Variants in IGSF3 observed in about 807,000 individuals in gnomAD.
IGSF3 encodes glu-Trp-Ile EWI motif-containing protein 3.
IGSF3 carries 23 observed loss-of-function variants against 114.4 expected under a neutral mutation model. The ratio of observed to expected loss-of-function variants is 0.20; its 90% CI spans 0.14 to 0.28. The LOEUF is 0.28. Ranked by LOEUF, IGSF3 falls within the 10% of genes least tolerant of loss-of-function variation. The pLI, the probability that IGSF3 is intolerant of heterozygous loss-of-function variation, is 1.00. For synonymous variants in IGSF3, 571 were observed against 645.2 expected, an observed-to-expected ratio of 0.88 and a Z score of 1.74; for missense variants, 1,172 against 1,591.5, an observed-to-expected ratio of 0.74 and a Z score of 4.48.
chr1:116,659,811 T>C (rs1174526192), intron 2 of IGSF3, among the ~76,000 whole-genome samples: 1 of 152,222 alleles, frequency 6.6e-6, no homozygotes, highest in Non-Finnish European at 1.5e-5. Flanking sequence ...AGATGAGGTC[T>C]TGTTATATTG....
chr1:116,665,113 TTC>T lies in IGSF3; in HGVS notation c.43+1169_43+1170del, dbSNP rs1649277762. 6.6e-6 allele frequency among the ~76,000 whole-genome samples: 1 copy of T among 152,216 alleles called. No individual in the cohort carries two copies. Among genetic ancestry groups the T allele is most frequent in the South Asian group, 2.1e-4 (1 of 4,830 alleles). On this transcript the variant is annotated intron_variant, in intron 2 of 10. Coordinates refer to ENST00000369486, the MANE Select transcript of IGSF3 (RefSeq NM_001007237.3). This position sits in a 1 kb window ranked among gnomAD's most constrained non-coding sequence, Gnocchi z 4.0. ...ATCACACCTTCCCTTGTTTTATTGT[TTC>T]TGTTTTATTGACATTCAGATGTCAA...
chr1:116,606,844 G>C (rs932108662), intron 5 of IGSF3, among the ~76,000 whole-genome samples: 9 of 152,190 alleles, frequency 5.9e-5, no homozygotes, highest in Admixed American at 6.5e-5. Context: ...TTGCAGGGCG[G>C]AAAAAGCTAA....
intron 4 of IGSF3, among the ~76,000 whole-genome samples, chr1:116,609,206 C>A (rs1384029028): frequency 6.6e-6 from 1 of 151,804 alleles, no homozygotes; most frequent in African/African-American, 2.4e-5. Flanking sequence ...ATTACTAAAC[C>A]CAAGCAGCCT....
rs2101068675 is a variant in IGSF3, at chr1:116,650,132, T to C, written c.43+16152A>G. Reference sequence around the variant, plus strand: ...ATAATCTGAATGGTACAAGAAGAAATCCTGTTTCATGCTCCTTTGAGGGAG... The same window carrying C: ...ATAATCTGAATGGTACAAGAAGAAACCCTGTTTCATGCTCCTTTGAGGGAG... On this transcript the variant is annotated intron_variant, in intron 2 of 10. Coordinates refer to ENST00000369486, the MANE Select transcript of IGSF3 (RefSeq NM_001007237.3). This position sits in a 1 kb window ranked among gnomAD's most constrained non-coding sequence, Gnocchi z 5.0. 6.6e-6 allele frequency among the ~76,000 whole-genome samples: 1 copy of C among 152,340 alleles called. No individual in the cohort carries two copies. Among genetic ancestry groups the C allele is most frequent in the East Asian group, 1.9e-4 (1 of 5,186 alleles).
chr1:116,596,276 A>G lies in IGSF3; in HGVS notation c.2029+3665T>C, dbSNP rs750124073. Among the ~76,000 whole-genome samples the G allele has an allele frequency of 6.6e-6, 1 of 152,252 alleles. No individual in the cohort carries two copies. The highest frequency in any genetic ancestry group is 1.5e-5 in the Non-Finnish European group (1 of 68,046). ...TGGGTTCCTATTTGATTCTGATGGA[A>G]TAAGAATATTTAACACAATATTCTT... On this transcript the variant is annotated intron_variant, in intron 7 of 10. Coordinates refer to ENST00000369486, the MANE Select transcript of IGSF3 (RefSeq NM_001007237.3). The surrounding 1 kb of genome is among the most constrained non-coding windows in gnomAD (Gnocchi z 4.1).
intron 4 of IGSF3, among the ~76,000 whole-genome samples, chr1:116,613,019 G>A (rs1661082777): frequency 6.6e-6 from 1 of 152,172 alleles, no homozygotes; most frequent in African/African-American, 2.4e-5. Flanking sequence ...AACCTCCTCA[G>A]GACCCCTTCC....
rs1649299064 is a variant in IGSF3, at chr1:116,665,657, C to G, written c.43+627G>C. 6.6e-6 allele frequency among the ~76,000 whole-genome samples: 1 copy of G among 152,270 alleles called. No individual in the cohort carries two copies. Among genetic ancestry groups the G allele is most frequent in the South Asian group, 2.1e-4 (1 of 4,818 alleles). ...ATTTGTGGGAGCACAAAAGCCAATC[C>G]TAAAATCTCCCCTACCAGGCAGCTT... is the stretch of plus-strand genomic sequence containing the variant. On this transcript the variant is annotated intron_variant, in intron 2 of 10. Transcript: ENST00000369486. The surrounding 1 kb of genome is among the most constrained non-coding windows in gnomAD (Gnocchi z 4.0).
rs1661143238 is a variant in IGSF3 at position 116,614,505 on chromosome 1, A to T, written c.422-330T>A. On this transcript the variant is annotated intron_variant, in intron 3 of 10. Transcript: ENST00000369486. The surrounding 1 kb of genome is among the most constrained non-coding windows in gnomAD (Gnocchi z 4.5). ...ACAATTGTCTTATAGGTCAAATAAC[A>T]TTTGCTGTTGATTCTGGCACTTCTC... Among the ~76,000 whole-genome samples the T allele has an allele frequency of 1.3e-5, 2 of 152,122 alleles. No individual in the cohort carries two copies. The highest frequency in any genetic ancestry group is 6.5e-5 in the Admixed American group (1 of 15,276).
Position 116,616,074 on chromosome 1 carries a change from C to T in IGSF3, c.421+6G>A, listed in dbSNP as rs1332935382. 2.5e-6 allele frequency: 4 copies of T among 1,588,444 alleles called. No individual in the cohort carries two copies. The highest frequency in any genetic ancestry group is 1.7e-4 in the Middle Eastern group (1 of 5,980). On this transcript the variant is annotated splice_donor_region_variant and intron_variant, in intron 3 of 10. Coordinates refer to ENST00000369486, the MANE Select transcript of IGSF3 (RefSeq NM_001007237.3). The surrounding 1 kb of genome is among the most constrained non-coding windows in gnomAD (Gnocchi z 6.6). The stretch of plus-strand genomic sequence containing the variant: ...CGCTGGCAACGTGAAGACAGCTTCT[C>T]CTTACCCACTAGGTTCATCTTTGCA...
chr1:116,614,214 C>A lies in IGSF3; in HGVS notation c.422-39G>T. ...ATGTCCTGAGAGTGCAGTCACAAAGCCACAGAATCTGAGACTCCCAGGGCT... is the reference window on the plus strand; with the variant it reads ...ATGTCCTGAGAGTGCAGTCACAAAGACACAGAATCTGAGACTCCCAGGGCT... On this transcript the variant is annotated intron_variant, in intron 3 of 10. Transcript: ENST00000369486. The surrounding 1 kb of genome is among the most constrained non-coding windows in gnomAD (Gnocchi z 4.5). 1 of 1,561,060 alleles carries A rather than the reference C, an allele frequency of 6.4e-7. No individual in the cohort carries two copies.
chr1:116,586,377 T>G (rs552525575), intron 8 of IGSF3, among the ~76,000 whole-genome samples: 112 of 152,098 alleles, frequency 7.4e-4, no homozygotes, highest in Non-Finnish European at 1.2e-3. Flanking sequence ...TTTGTTTTTT[T>G]GGGGGGGATT....
rs1183113211 is a variant in IGSF3, at chr1:116,634,905, CCAAG to C, written c.44-18452_44-18449del. Among the ~76,000 whole-genome samples the C allele has an allele frequency of 6.6e-6, 1 of 152,074 alleles. No individual in the cohort carries two copies. Among genetic ancestry groups the C allele is most frequent in the Non-Finnish European group, 1.5e-5 (1 of 68,010 alleles). ...CGAGCCCGCCACACTATAAGGAAGC[CCAAG>C]CTACCCCACAGGAGAGACAAGGTGA... On this transcript the variant is annotated intron_variant, in intron 2 of 10. Coordinates refer to ENST00000369486, the MANE Select transcript of IGSF3 (RefSeq NM_001007237.3). This position sits in a 1 kb window ranked among gnomAD's most constrained non-coding sequence, Gnocchi z 4.2.
chr1:116,578,081 T>C (rs543610044), intron 10 of IGSF3, among the ~76,000 whole-genome samples: 1 of 152,320 alleles, frequency 6.6e-6, no homozygotes, highest in Non-Finnish European at 1.5e-5. Flanking sequence ...CTTACAAACG[T>C]CCACAGTGTG....
chr1:116,579,066 A>G lies in IGSF3; in HGVS notation c.3334+326T>C, dbSNP rs149978254. On this transcript the variant is annotated intron_variant, in intron 10 of 10. Coordinates refer to ENST00000369486, the MANE Select transcript of IGSF3 (RefSeq NM_001007237.3). The surrounding 1 kb of genome is among the most constrained non-coding windows in gnomAD (Gnocchi z 6.4). ...TGCTAATTCGCTAAAGACTAGTTCC[A>G]ATATTCTAAAAAATAACAAAGTAAC... is the stretch of plus-strand genomic sequence containing the variant. 2.9e-3 allele frequency among the ~76,000 whole-genome samples: 439 copies of G among 152,368 alleles called. 2 individuals carry two copies. The highest frequency in any genetic ancestry group is 0.024 in the Middle Eastern group (7 of 294).
chr1:116,617,329 C>A (rs2336249), intron 2 of IGSF3: 18 of 985,290 alleles, frequency 1.8e-5, no homozygotes, highest in Non-Finnish European at 2.2e-5. Flanking sequence ...TCTCATTTCA[C>A]GCCAACTCAA....
chr1:116,593,500 G>C lies in IGSF3; in HGVS notation c.2030-4396C>G, dbSNP rs962345697. Among the ~76,000 whole-genome samples the C allele has an allele frequency of 2.6e-5, 4 of 152,176 alleles. No individual in the cohort carries two copies. The highest frequency in any genetic ancestry group is 2.6e-4 in the Admixed American group (4 of 15,286). On this transcript the variant is annotated intron_variant, in intron 7 of 10. Transcript: ENST00000369486. This position sits in a 1 kb window ranked among gnomAD's most constrained non-coding sequence, Gnocchi z 4.5. ...AAGTGGAGAGAAGCAAGTCAGATGA[G>C]AGACAAGGAAAGAATGCAGGGTGAG...
At chr1:116,637,173 C>T (rs1167970631) in intron 2 of IGSF3, among the ~76,000 whole-genome samples, 4 of 152,172 alleles carry the variant, frequency 2.6e-5, no homozygotes, top group Non-Finnish European at 5.9e-5. Context: ...AAGCTTGACT[C>T]CCCTGTGCCT....
intron 2 of IGSF3, among the ~76,000 whole-genome samples, chr1:116,631,214 A>G (rs1647561376): frequency 7.8e-6 from 1 of 128,802 alleles, no homozygotes; most frequent in Non-Finnish European, 1.8e-5. Context: ...GCTACTTGAG[A>G]GGCTGAGGCA....
rs1228860576 is a variant in IGSF3 at position 116,661,102 on chromosome 1, C to A, written c.43+5182G>T. Among the ~76,000 whole-genome samples, 1 of 152,034 alleles carries A rather than the reference C, an allele frequency of 6.6e-6. No individual in the cohort carries two copies. Among genetic ancestry groups the A allele is most frequent in the African/African-American group, 2.4e-5 (1 of 41,380 alleles). ...GGTCAGGAGTTTGAGACCAGTGTGGCCAACATAGTGAAGGCCCATCTCTAC... is the reference window on the plus strand; with the variant it reads ...GGTCAGGAGTTTGAGACCAGTGTGGACAACATAGTGAAGGCCCATCTCTAC... On this transcript the variant is annotated intron_variant, in intron 2 of 10. Transcript: ENST00000369486. This position sits in a 1 kb window ranked among gnomAD's most constrained non-coding sequence, Gnocchi z 4.0.
Sources: allele counts gnomAD v4.1 joint callset (sites outside exome capture counted in the v4.1 genomes callset), GRCh38; gene constraint gnomAD v4.1.1; non-coding constraint Gnocchi (gnomAD v3.1); transcripts MANE v1.5; gene names NCBI Gene and HGNC (gene_info 2026-07-23, HGNC 2026-07-21).